The following LATS2 variants were observed in gnomAD, a reference collection of about 807,000 sequenced individuals.
The protein encoded by LATS2 is serine/threonine-protein kinase LATS2.
LATS2 carries 24 observed loss-of-function variants against 76.0 expected under a neutral mutation model. The observed-to-expected ratio is 0.32, with a 90% CI of 0.23 to 0.44. The LOEUF is 0.44. LATS2 is among the 20% of genes least tolerant of loss of function. The probability of loss-of-function intolerance (pLI) is 1.00; values close to 1 mark genes in which losing one functional copy is unlikely to be tolerated. For synonymous variants in LATS2, 692 were observed against 635.4 expected, an observed-to-expected ratio of 1.09 and a Z score of -1.34; for missense variants, 1,286 against 1,481.2, an observed-to-expected ratio of 0.87 and a Z score of 2.16.
chr13:21,025,393 CAA>C (rs1171981071), intron 2 of LATS2, among the ~76,000 whole-genome samples: 21 of 49,704 alleles, frequency 4.2e-4, no homozygotes, highest in Admixed American at 5.5e-4. Context: ...ACTCCGTCTC[CAA>C]AAAAAAAAAA....
chr13:21,044,689 GGTGTGTGTGTGTGTGTGTGTGT>G (rs71090554), intron 2 of LATS2, among the ~76,000 whole-genome samples: 54 of 137,784 alleles, frequency 3.9e-4, no homozygotes, highest in African/African-American at 8.9e-4. Context: ...GAGGTGTAGG[GGTGTGTGTGTGTGTGTGTGTGT>G]GTGTGTGTGT....
chr13:21,048,000 A>T (rs1389446461), intron 1 of LATS2, among the ~76,000 whole-genome samples: 1 of 152,236 alleles, frequency 6.6e-6, no homozygotes, highest in Non-Finnish European at 1.5e-5. Flanking sequence ...AAAGTCACTG[A>T]AATGACTGTA....
At chr13:21,036,320 C>G (rs1287361373) in intron 2 of LATS2, among the ~76,000 whole-genome samples, 1 of 152,144 alleles carries the variant, frequency 6.6e-6, no homozygotes, top group Non-Finnish European at 1.5e-5. Context: ...GTGTGAGCCA[C>G]TGTGCCTGGC....
At chr13:21,002,341 A>G (rs2138320719) in intron 2 of LATS2, among the ~76,000 whole-genome samples, 1 of 151,448 alleles carries the variant, frequency 6.6e-6, no homozygotes, top group South Asian at 2.1e-4. Flanking sequence ...AAATATGCCC[A>G]TCTTTTAAAA....
At chr13:21,005,978 TG>T (rs1472589651) in intron 2 of LATS2, among the ~76,000 whole-genome samples, 1 of 151,604 alleles carries the variant, frequency 6.6e-6, no homozygotes, top group Non-Finnish European at 1.5e-5. Flanking sequence ...CCGGGAGTGG[TG>T]GCGCATGTCT....
rs1871311814 is a variant in LATS2 at position 21,007,545 on chromosome 13, GTATATATATATATATATATAT to G, written c.343-16162_343-16142del. Among the ~76,000 whole-genome samples the G allele has an allele frequency of 6.9e-3, 25 of 3,610 alleles. 2 individuals carry two copies. The highest frequency in any genetic ancestry group is 0.013 in the South Asian group (1 of 78). The allele number at this position is 3,610 out of a possible 152,430, so 2.4% of individuals were successfully genotyped here. A position where few individuals can be genotyped will look rare whatever the true frequency, so the allele number is the denominator to read the frequency against. ...CGTAGGGGATGGATATATATATATA[GTATATATATATATATATATAT>G]ATATATATATATATATATATAGTAT... On this transcript the variant is annotated intron_variant, in intron 2 of 7. Transcript: ENST00000382592.
intron 2 of LATS2, among the ~76,000 whole-genome samples, chr13:21,040,167 G>A (rs371331193): frequency 1.3e-5 from 2 of 151,976 alleles, no homozygotes; most frequent in African/African-American, 2.4e-5. Context: ...CAGGCGTATC[G>A]CTTCAGACTA....
intron 1 of LATS2, among the ~76,000 whole-genome samples, chr13:21,050,522 C>T (rs997133677): frequency 2.6e-5 from 4 of 152,214 alleles, no homozygotes; most frequent in Non-Finnish European, 4.4e-5. Context: ...GATTCATACA[C>T]GTAGTATATA....
rs1419968497 is a variant in LATS2, at chr13:20,988,580, G to A, written c.1200C>T (p.Cys400=). ...PRAHVAFRPD[C]PVPSRTNSFN... ...AGGAGTTGGTCCTGCTGGGCACTGG[G>A]CAGTCAGGCCGGAAGGCCACGTGCG... The change falls in exon 4 of 8, where the codon TGC becomes TGT. Residue 400 remains cysteine (C), a synonymous_variant. Transcript: ENST00000382592. 1.9e-6 allele frequency: 3 copies of A among 1,588,390 alleles called. No individual in the cohort carries two copies. The highest frequency in any genetic ancestry group is 1.7e-5 in the Admixed American group (1 of 58,516).
intron 2 of LATS2, among the ~76,000 whole-genome samples, chr13:21,034,533 C>T (rs553445318): frequency 1.1e-4 from 17 of 152,314 alleles, no homozygotes; most frequent in African/African-American, 3.4e-4. Context: ...CACGCCAAGA[C>T]GGAGTCACTT....
intron 2 of LATS2, among the ~76,000 whole-genome samples, chr13:20,994,207 G>C (rs1870640817): frequency 6.6e-6 from 1 of 152,178 alleles, no homozygotes; most frequent in Non-Finnish European, 1.5e-5. Context: ...GGAGTTTCAA[G>C]TCCTAAAAGT....
intron 2 of LATS2, among the ~76,000 whole-genome samples, chr13:21,019,554 G>C (rs1871958295): frequency 7.0e-6 from 1 of 142,546 alleles, no homozygotes; most frequent in African/African-American, 2.6e-5. Flanking sequence ...TGTTGGCCAG[G>C]CTGGTCTCGA....
chr13:20,989,380 C>T, intron 3 of LATS2, 76 bp from the exon 4 acceptor site: 1 of 1,486,154 alleles, frequency 6.7e-7, no homozygotes, highest in South Asian at 1.2e-5. Context: ...GGCTGGTCCC[C>T]ACTCTAGCGC....
intron 2 of LATS2, among the ~76,000 whole-genome samples, chr13:21,009,179 A>G (rs951491536): frequency 2.6e-5 from 4 of 152,224 alleles, no homozygotes; most frequent in Non-Finnish European, 4.4e-5. Flanking sequence ...AAACGAACAA[A>G]TGAATGAATG....
chr13:21,055,997 G>A (rs35407892), intron 1 of LATS2, among the ~76,000 whole-genome samples: 26,668 of 152,202 alleles, frequency 0.18, 2,893 homozygotes, highest in Admixed American at 0.25. Context: ...TTCCTCTGGG[G>A]ATCCAGGAAA....
chr13:20,999,117 A>G lies in LATS2; in HGVS notation c.343-7713T>C, dbSNP rs1055817045. Among the ~76,000 whole-genome samples the G allele has an allele frequency of 3.9e-5, 6 of 152,384 alleles. No homozygotes were observed. In the East Asian group the frequency reaches 1.2e-3, roughly 29 times the overall value. On this transcript the variant is annotated intron_variant, in intron 2 of 7. Coordinates refer to ENST00000382592, the MANE Select transcript of LATS2 (RefSeq NM_014572.3). ...CGCAGCACGTGCCGTGTGCGAGCCAATTATGACTGGAAAACAGGTGGAGGA... is the reference window on the plus strand; with the variant it reads ...CGCAGCACGTGCCGTGTGCGAGCCAGTTATGACTGGAAAACAGGTGGAGGA...
intron 2 of LATS2, among the ~76,000 whole-genome samples, chr13:21,038,213 T>C (rs964085835): frequency 5.3e-5 from 8 of 150,356 alleles, no homozygotes; most frequent in African/African-American, 2.0e-4. Flanking sequence ...GGAGCAAAGG[T>C]GGAGCCTGTA....
intron 2 of LATS2, among the ~76,000 whole-genome samples, chr13:21,019,058 G>A (rs1595238309): frequency 6.6e-6 from 1 of 152,214 alleles, no homozygotes; most frequent in East Asian, 1.9e-4. Context: ...GACATCCTAA[G>A]TTTGAATCCT....
intron 1 of LATS2, among the ~76,000 whole-genome samples, chr13:21,050,137 T>C (rs1373753269): frequency 7.2e-6 from 1 of 139,494 alleles, no homozygotes; most frequent in African/African-American, 2.7e-5. Flanking sequence ...GATAGATAGA[T>C]AGATAGATAG....
Sources: allele counts gnomAD v4.1 joint callset (sites outside exome capture counted in the v4.1 genomes callset), GRCh38; gene constraint gnomAD v4.1.1; transcripts MANE v1.5; gene names NCBI Gene and HGNC (gene_info 2026-07-23, HGNC 2026-07-21).